The following CCNY variants were observed in gnomAD, a reference collection of about 807,000 sequenced individuals.
CCNY encodes the protein cyclin-Y.
CCNY carries 19 observed loss-of-function variants against 42.8 expected under a neutral mutation model. The observed-to-expected ratio is 0.44, with a 90% CI of 0.31 to 0.65. The LOEUF is 0.65. CCNY is among the 30% of genes least tolerant of loss of function. The pLI is 0.07. For missense variants in CCNY, 370 were observed against 437.3 expected (o/e 0.85, Z 1.37); for synonymous variants, 165 against 162.7 (o/e 1.01, Z -0.11).
chr10:35,271,160 AGAAGT>A (rs1184322746), intron 3 of CCNY, among the ~76,000 whole-genome samples: 1 of 152,198 alleles, frequency 6.6e-6, no homozygotes, highest in African/African-American at 2.4e-5. Context: ...GATCTCTCAG[AGAAGT>A]GAAGTCACAG....
intron 4 of CCNY, among the ~76,000 whole-genome samples, chr10:35,523,111 C>G (rs529006775): frequency 6.6e-6 from 1 of 152,176 alleles, no homozygotes; most frequent in Non-Finnish European, 1.5e-5. Flanking sequence ...AGGTTGTCAA[C>G]CAACAGAAAG....
At chr10:35,510,149 C>A (rs1225140156) in intron 3 of CCNY, among the ~76,000 whole-genome samples, 1 of 152,176 alleles carries the variant, frequency 6.6e-6, no homozygotes, top group Admixed American at 6.5e-5. Flanking sequence ...TTAGAGATTT[C>A]ATTTATATCA....
intron 1 of CCNY, among the ~76,000 whole-genome samples, chr10:35,379,795 C>G: frequency 6.6e-6 from 1 of 152,214 alleles, no homozygotes; most frequent in East Asian, 1.9e-4. Flanking sequence ...CCACCCCCTA[C>G]CCCTTCTTTC....
chr10:35,479,717 C>G (rs1264284603), intron 1 of CCNY, among the ~76,000 whole-genome samples: 1 of 151,278 alleles, frequency 6.6e-6, no homozygotes, highest in African/African-American at 2.4e-5. Flanking sequence ...ATGTAACTAA[C>G]CTGCACAATG....
At chr10:35,452,620 A>T (rs1305163851) in intron 1 of CCNY, among the ~76,000 whole-genome samples, 1 of 152,146 alleles carries the variant, frequency 6.6e-6, no homozygotes. Context: ...TCACCATTTC[A>T]GAATAAAATT....
chr10:35,298,547 G>A (rs1835497686), intron 3 of CCNY, among the ~76,000 whole-genome samples: 1 of 152,138 alleles, frequency 6.6e-6, no homozygotes, highest in African/African-American at 2.4e-5. Context: ...ACAGGGTCTT[G>A]CTCTGTTTCT....
chr10:35,479,069 C>G (rs1482938171), intron 1 of CCNY, among the ~76,000 whole-genome samples: 8 of 151,976 alleles, frequency 5.3e-5, no homozygotes, highest in Non-Finnish European at 7.4e-5. Flanking sequence ...CCATCTCACA[C>G]CAGTTAGAAT....
At position 35,570,119 on chromosome 10, in the gene CCNY, C is replaced by G. The variant is rs1026086342; in HGVS notation, c.*949C>G. On this transcript the variant is annotated 3_prime_UTR_variant, in exon 10 of 10. Transcript: ENST00000374704. The stretch of plus-strand genomic sequence containing the variant: ...CTTTGTACCCCTGCCTAATCCATTC[C>G]TCTCCTTCCAAGTCCATTGTTGCAA... 3 of 152,652 alleles carry G rather than the reference C, an allele frequency of 2.0e-5. No homozygotes were observed. Among genetic ancestry groups the G allele is most frequent in the African/African-American group, 4.8e-5 (2 of 41,408 alleles). 9.5% of individuals were successfully genotyped at this position (152,652 alleles called of 1,614,324 possible). A position where few individuals can be genotyped will look rare whatever the true frequency, so the allele number is the denominator to read the frequency against.
intron 1 of CCNY, among the ~76,000 whole-genome samples, chr10:35,460,154 C>G (rs1294053296): frequency 6.6e-6 from 1 of 152,168 alleles, no homozygotes; most frequent in Non-Finnish European, 1.5e-5. Flanking sequence ...TATCCCTGAC[C>G]TAGTGTCTCC....
At chr10:35,454,501 C>T (rs1448775332) in intron 1 of CCNY, among the ~76,000 whole-genome samples, 1 of 152,186 alleles carries the variant, frequency 6.6e-6, no homozygotes, top group Non-Finnish European at 1.5e-5. Context: ...AAACCTGGAG[C>T]CTGGTAGAGT....
chr10:35,483,464 A>G lies in CCNY; in HGVS notation c.215A>G (p.Lys72Arg). 6.2e-7 allele frequency: 1 copy of G among 1,605,512 alleles called. No homozygotes were observed. The highest frequency in any genetic ancestry group is 8.5e-7 in the Non-Finnish European group (1 of 1,173,010). The change falls in exon 2 of 10, where the codon AAA (lysine) becomes AGA (arginine). Residue 72 changes from lysine (K) to arginine (R), a missense_variant. This residue lies in a region of CCNY where 136 missense variants were observed against 124.2 expected (regional missense o/e 1.09). Coordinates refer to ENST00000374704, the MANE Select transcript of CCNY (RefSeq NM_145012.6). ...HPRASTIFLSKSQTDVREKRK... is the reference protein window; with the variant it reads ...HPRASTIFLSRSQTDVREKRK... ...CGGGCCAGCACAATATTCCTCAGTA[A>G]ATCTCAGACGGACGGTAGGTCCTTA...
intron 3 of CCNY, among the ~76,000 whole-genome samples, chr10:35,508,396 A>T (rs1447680922): frequency 6.6e-6 from 1 of 152,188 alleles, no homozygotes; most frequent in African/African-American, 2.4e-5. Flanking sequence ...GACATGCTCC[A>T]TCCTTTCGTT....
At chr10:35,545,825 G>C (rs969892110) in intron 7 of CCNY, among the ~76,000 whole-genome samples, 8 of 152,138 alleles carry the variant, frequency 5.3e-5, no homozygotes, top group African/African-American at 1.9e-4. Flanking sequence ...TAATATAAAT[G>C]TGTATTCCAG....
chr10:35,431,996 C>G (rs1005670175), intron 1 of CCNY, among the ~76,000 whole-genome samples: 1 of 152,146 alleles, frequency 6.6e-6, no homozygotes, highest in African/African-American at 2.4e-5. Context: ...GGTTCATTTT[C>G]TCTTGTCAAG....
chr10:35,338,772 C>T (rs906565626), intron 1 of CCNY, among the ~76,000 whole-genome samples: 2 of 151,770 alleles, frequency 1.3e-5, no homozygotes, highest in Non-Finnish European at 2.9e-5. Flanking sequence ...CAGTATCTAG[C>T]GGAGGCTTTG....
chr10:35,545,853 C>T (rs545004785), intron 7 of CCNY, among the ~76,000 whole-genome samples: 9 of 152,124 alleles, frequency 5.9e-5, no homozygotes, highest in African/African-American at 1.4e-4. Context: ...GAAAATCTTC[C>T]AGCATCAGGT....
At chr10:35,338,162 A>T (rs1041983161) in intron 1 of CCNY, among the ~76,000 whole-genome samples, 7 of 152,232 alleles carry the variant, frequency 4.6e-5, no homozygotes, top group Admixed American at 6.5e-5. Flanking sequence ...TTGAACTAAT[A>T]TGAAGAAATT....
At chr10:35,389,215 A>T (rs565962606) in intron 1 of CCNY, among the ~76,000 whole-genome samples, 1 of 152,158 alleles carries the variant, frequency 6.6e-6, no homozygotes, top group African/African-American at 2.4e-5. Context: ...GTCTGTTTAT[A>T]TATATTTTAT....
chr10:35,520,665 G>A (rs958860095), intron 4 of CCNY, among the ~76,000 whole-genome samples: 32 of 152,140 alleles, frequency 2.1e-4, no homozygotes, highest in African/African-American at 7.2e-4. Context: ...GGGGATGGGT[G>A]GAGGGTTGAA....
Sources: gnomAD v4.1 joint callset for allele counts (sites outside exome capture counted in the v4.1 genomes callset) on GRCh38, gnomAD v4.1.1 for gene constraint, gnomAD v4.1.1 regional missense constraint, MANE v1.5 for transcripts, NCBI Gene and HGNC (gene_info 2026-07-23, HGNC 2026-07-21) for gene names.